FGD3: variants seen among roughly 807,000 people sequenced by gnomAD.
FGD3 encodes FYVE, RhoGEF and PH domain containing 3.
In FGD3, 45 loss-of-function variants were observed where a neutral mutation model predicts 71.8. The ratio of observed to expected loss-of-function variants is 0.63; its 90% CI spans 0.49 to 0.80. The LOEUF is 0.80. FGD3 is among the 30% of genes least tolerant of loss of function. The pLI, the probability that FGD3 is intolerant of heterozygous loss-of-function variation, is 0.00. For synonymous variants in FGD3, 378 were observed against 392.8 expected (o/e 0.96, Z 0.44); for missense variants, 844 against 951.5 (o/e 0.89, Z 1.49).
At chr9:92,988,940 C>T (rs1860294004) in intron 3 of FGD3, among the ~76,000 whole-genome samples, 1 of 152,224 alleles carries the variant, frequency 6.6e-6, no homozygotes, top group Non-Finnish European at 1.5e-5. Flanking sequence ...CTACATTAGT[C>T]TGCCTTGTTC....
chr9:92,977,330 T>C (rs1432089455), intron 3 of FGD3, among the ~76,000 whole-genome samples: 1 of 152,046 alleles, frequency 6.6e-6, no homozygotes, highest in Admixed American at 6.6e-5. Context: ...CTTGGCTCGG[T>C]GCTGGGATCT....
At chr9:93,016,703 G>C (rs1032329109) in intron 10 of FGD3, among the ~76,000 whole-genome samples, 2 of 138,792 alleles carry the variant, frequency 1.4e-5, no homozygotes, top group African/African-American at 2.7e-5. Context: ...GGCTCACTGC[G>C]ACCTCCACCT....
chr9:93,014,604 T>C (rs1369994050), intron 9 of FGD3, among the ~76,000 whole-genome samples: 2 of 152,142 alleles, frequency 1.3e-5, no homozygotes, highest in Non-Finnish European at 2.9e-5. Context: ...AATACAGTTG[T>C]GACCACAATC....
intron 3 of FGD3, among the ~76,000 whole-genome samples, chr9:92,984,135 C>A (rs969244058): frequency 6.6e-6 from 1 of 152,218 alleles, no homozygotes; most frequent in Non-Finnish European, 1.5e-5. Context: ...CCAGGCCTTA[C>A]CTAGCTGTAA....
chr9:92,969,806 G>T lies in FGD3; in HGVS notation c.-217-5432G>T, dbSNP rs528731560. Among the ~76,000 whole-genome samples, 1 of 152,320 alleles carries T rather than the reference G, an allele frequency of 6.6e-6. No individual in the cohort carries two copies. The highest frequency in any genetic ancestry group is 1.9e-4 in the East Asian group (1 of 5,184). On this transcript the variant is annotated intron_variant, in intron 1 of 17. Transcript: ENST00000375482. This position sits in a 1 kb window ranked among gnomAD's most constrained non-coding sequence, Gnocchi z 4.5. ...GCTGCACTGTGGAGGGACACGGGGC[G>T]GGGGCCAGAGCACTTCATCCCCCTG...
At chr9:92,968,739 CT>C (rs1859429417) in intron 1 of FGD3, among the ~76,000 whole-genome samples, 1 of 151,852 alleles carries the variant, frequency 6.6e-6, no homozygotes, top group Admixed American at 6.6e-5. Flanking sequence ...ATAGCTGGGA[CT>C]ACAGATGCAA....
intron 14 of FGD3, among the ~76,000 whole-genome samples, chr9:93,028,072 T>C (rs1375705193): frequency 6.6e-6 from 1 of 151,960 alleles, no homozygotes; most frequent in Non-Finnish European, 1.5e-5. Flanking sequence ...AAGCGTATGT[T>C]GTTTAGCATT....
chr9:92,951,535 G>A (rs1226417312), intron 1 of FGD3, among the ~76,000 whole-genome samples: 1 of 152,230 alleles, frequency 6.6e-6, no homozygotes, highest in Non-Finnish European at 1.5e-5. Context: ...AATAAGCCAG[G>A]TGTGGTGGCA....
chr9:93,011,170 G>A (rs373429323), intron 7 of FGD3, 44 bp from the exon 8 acceptor site: 100 of 1,608,420 alleles, frequency 6.2e-5, no homozygotes, highest in African/African-American at 8.0e-5. Flanking sequence ...AAGCAAAAAC[G>A]GAGCCACCGT....
At chr9:93,019,642 G>A (rs1019375696) in intron 11 of FGD3, among the ~76,000 whole-genome samples, 189 bp from the exon 12 acceptor site, 9 of 152,196 alleles carry the variant, frequency 5.9e-5, no homozygotes, top group Non-Finnish European at 1.0e-4. Flanking sequence ...ACTGCAGAGG[G>A]CTCCACATGG....
chr9:93,014,334 A>T (rs1448678273), intron 9 of FGD3, among the ~76,000 whole-genome samples: 1 of 152,166 alleles, frequency 6.6e-6, no homozygotes, highest in Non-Finnish European at 1.5e-5. Context: ...GAACTGTAGC[A>T]GTGAATCACA....
At chr9:92,961,805 C>G (rs534698770) in intron 1 of FGD3, among the ~76,000 whole-genome samples, 18 of 152,300 alleles carry the variant, frequency 1.2e-4, no homozygotes, top group African/African-American at 4.1e-4. Context: ...GGCCTTAGTT[C>G]CTCTCCGCAT....
intron 3 of FGD3, among the ~76,000 whole-genome samples, chr9:92,996,789 G>A (rs1860662915): frequency 6.6e-6 from 1 of 152,188 alleles, no homozygotes. Context: ...GAGCGGTTTT[G>A]AGTGAGTTTC....
chr9:93,002,909 T>G lies in FGD3; in HGVS notation c.454-16T>G. The G allele has an allele frequency of 6.2e-7, 1 of 1,612,766 alleles. No homozygotes were observed. Among genetic ancestry groups the G allele is most frequent in the Non-Finnish European group, 8.5e-7 (1 of 1,179,382 alleles). ...GCTCATCTTCCCCAGGTGAGCTGCATCTCTTCTCTCCGCAGCACTCTGGCC... is the reference window on the plus strand; with the variant it reads ...GCTCATCTTCCCCAGGTGAGCTGCAGCTCTTCTCTCCGCAGCACTCTGGCC... On this transcript the variant is annotated splice_polypyrimidine_tract_variant and intron_variant, in intron 3 of 17. Coordinates refer to ENST00000375482, the MANE Select transcript of FGD3 (RefSeq NM_001083536.2).
intron 1 of FGD3, among the ~76,000 whole-genome samples, chr9:92,970,281 G>T (rs141131884): frequency 6.6e-6 from 1 of 152,328 alleles, no homozygotes; most frequent in African/African-American, 2.4e-5. Flanking sequence ...GTGTGCATGG[G>T]TGTACTTGCC....
chr9:93,034,578 G>T lies in FGD3; in HGVS notation c.1823G>T (p.Cys608Phe). The change falls in exon 17 of 18, where the codon TGC becomes TTC. Residue 608 changes from cysteine to phenylalanine, a missense_variant. By Grantham distance (205) the Cys-to-Phe change is radical (BLOSUM62 -2). Transcript: ENST00000375482. ...GCAGACCCCCAGCCCAGCCTGCTCT[G>T]CGGCCCCCTGCGGCTGTCAGAGAGC... ...PTADPQPSLL[C>F]GPLRLSESGE... The T allele has an allele frequency of 6.2e-7, 1 of 1,613,244 alleles. No individual in the cohort carries two copies. The highest frequency in any genetic ancestry group is 8.5e-7 in the Non-Finnish European group (1 of 1,179,796).
intron 5 of FGD3, 61 bp from the exon 6 acceptor site, chr9:93,005,963 A>G: frequency 1.3e-6 from 2 of 1,524,992 alleles, no homozygotes; most frequent in Admixed American, 4.1e-5. Flanking sequence ...GTTCATGTCC[A>G]CTAACCTCAG....
chr9:93,011,259 C>G lies in FGD3; in HGVS notation c.1022C>G (p.Ala341Gly). The change falls in exon 8 of 18, where the codon GCC (alanine) becomes GGC (glycine). Residue 341 changes from alanine (A) to glycine (G), a missense_variant. By Grantham distance (60) the Ala-to-Gly change is moderately conservative. Transcript: ENST00000375482. ...ISTAANHSNA[A>G]IRKVEKMHKL... ...ACAGCCGCCAACCACTCCAATGCTGCCATTCGGAAAGTGGTGAGTGTGGGG... is the reference window on the plus strand; with the variant it reads ...ACAGCCGCCAACCACTCCAATGCTGGCATTCGGAAAGTGGTGAGTGTGGGG... 1 of 1,614,192 alleles carries G rather than the reference C, an allele frequency of 6.2e-7. No individual in the cohort carries two copies. The highest frequency in any genetic ancestry group is 8.5e-7 in the Non-Finnish European group (1 of 1,180,016).
At chr9:93,000,203 A>T (rs139737250) in intron 3 of FGD3, among the ~76,000 whole-genome samples, 6 of 151,088 alleles carry the variant, frequency 4.0e-5, no homozygotes, top group Non-Finnish European at 5.9e-5. Flanking sequence ...ACATGCAAAA[A>T]CTCTACTCTT....
Sources: gnomAD v4.1 joint callset for allele counts (sites outside exome capture counted in the v4.1 genomes callset) on GRCh38, gnomAD v4.1.1 for gene constraint, Gnocchi (gnomAD v3.1) non-coding constraint, MANE v1.5 for transcripts, NCBI Gene and HGNC (gene_info 2026-07-23, HGNC 2026-07-21) for gene names.